Variants in GRM8 observed in about 807,000 individuals in gnomAD.
GRM8 encodes metabotropic glutamate receptor 8.
In GRM8, 47 loss-of-function variants were observed where a neutral mutation model predicts 87.2. That is an observed-to-expected ratio of 0.54 (90% CI 0.43 to 0.69). GRM8 has a LOEUF of 0.69. GRM8 is among the 30% of genes least tolerant of loss of function. The pLI, the probability that GRM8 is intolerant of heterozygous loss-of-function variation, is 0.00. For synonymous variants in GRM8, 396 were observed against 404.5 expected (o/e 0.98, Z 0.25); for missense variants, 1,019 against 1,139.2 (o/e 0.89, Z 1.52).
chr7:127,000,195 CAATT>C (rs138397988), intron 3 of GRM8, among the ~76,000 whole-genome samples: 14,085 of 151,530 alleles, frequency 0.093, 775 homozygotes, highest in East Asian at 0.21. Context: ...AAAATTAAAA[CAATT>C]GAACTCATGG....
At chr7:127,049,836 G>T (rs1819295548) in intron 3 of GRM8, among the ~76,000 whole-genome samples, 1 of 152,132 alleles carries the variant, frequency 6.6e-6, no homozygotes, top group African/African-American at 2.4e-5. Flanking sequence ...AAAGCAGTGA[G>T]GGAGGAAAGA....
At chr7:126,862,647 A>G (rs1475488816) in intron 6 of GRM8, among the ~76,000 whole-genome samples, 2 of 152,106 alleles carry the variant, frequency 1.3e-5, no homozygotes, top group Non-Finnish European at 2.9e-5. Flanking sequence ...GCTTTAAATT[A>G]TAATATTAGT....
intron 6 of GRM8, among the ~76,000 whole-genome samples, chr7:126,878,533 T>TG (rs1453915741): frequency 6.6e-6 from 1 of 150,868 alleles, no homozygotes. Flanking sequence ...TTTTTTTTTT[T>TG]TTTTGAGACA....
Position 126,955,040 on chromosome 7 carries a change from T to C in GRM8, c.728-50357A>G, listed in dbSNP as rs1249693118. On this transcript the variant is annotated intron_variant, in intron 3 of 10. Coordinates refer to ENST00000339582, the MANE Select transcript of GRM8 (RefSeq NM_000845.3). ...CTTGCAGAATTTTCTTGCAGTGTTT[T>C]ACACATTTCATTTTTCATTTCAATT... Among the ~76,000 whole-genome samples, 4 of 152,212 alleles carry C rather than the reference T, an allele frequency of 2.6e-5. No homozygotes were observed. The South Asian group carries it at 8.3e-4, about 31-fold the overall frequency.
At chr7:126,527,596 C>T (rs553216181) in intron 9 of GRM8, among the ~76,000 whole-genome samples, 9 of 152,126 alleles carry the variant, frequency 5.9e-5, no homozygotes, top group Non-Finnish European at 7.4e-5. Context: ...ACACTATTTC[C>T]GCAGGATTTT....
intron 6 of GRM8, among the ~76,000 whole-genome samples, chr7:126,803,892 T>G (rs1367797692): frequency 1.3e-5 from 2 of 152,226 alleles, no homozygotes; most frequent in Non-Finnish European, 2.9e-5. Flanking sequence ...AAGTGCTAAG[T>G]TTAAGGCAGT....
At chr7:126,705,159 C>T (rs1260102094) in intron 7 of GRM8, among the ~76,000 whole-genome samples, 2 of 152,074 alleles carry the variant, frequency 1.3e-5, no homozygotes, top group Non-Finnish European at 2.9e-5. Flanking sequence ...ACATGACTAT[C>T]GGGGGCAGGT....
At chr7:126,759,122 T>G (rs1183214541) in intron 7 of GRM8, among the ~76,000 whole-genome samples, 1 of 151,996 alleles carries the variant, frequency 6.6e-6, no homozygotes, top group Non-Finnish European at 1.5e-5. Context: ...GGTCTCAAAC[T>G]CCTGACTTCA....
chr7:126,587,681 A>C, intron 8 of GRM8, among the ~76,000 whole-genome samples: 1 of 120,478 alleles, frequency 8.3e-6, no homozygotes. Context: ...CTGTCATGGG[A>C]TGGGCGGGGG....
chr7:127,112,090 T>C (rs1012072128), intron 2 of GRM8: 4 of 152,066 alleles, frequency 2.6e-5, no homozygotes, highest in Non-Finnish European at 5.9e-5. Context: ...CATTTCCCCA[T>C]TGCCCTTAGA....
At chr7:126,446,455 T>A in intron 9 of GRM8, 83 bp from the exon 10 acceptor site, 3 of 914,676 alleles carry the variant, frequency 3.3e-6, no homozygotes, top group Non-Finnish European at 5.0e-6. Context: ...TTTCTAAAAT[T>A]GTTCCAGCTT....
intron 3 of GRM8, among the ~76,000 whole-genome samples, chr7:127,102,287 C>A (rs982908781): frequency 6.6e-6 from 1 of 152,154 alleles, no homozygotes; most frequent in Non-Finnish European, 1.5e-5. Context: ...AAAGAAAAAG[C>A]TTTTTCAGGA....
At chr7:126,575,382 G>A (rs1231612722) in intron 8 of GRM8, among the ~76,000 whole-genome samples, 2 of 151,670 alleles carry the variant, frequency 1.3e-5, no homozygotes, top group African/African-American at 2.4e-5. Flanking sequence ...ACATTATGGT[G>A]AGTTGTATAA....
chr7:126,807,085 C>T (rs1792848439), intron 6 of GRM8, among the ~76,000 whole-genome samples: 1 of 152,174 alleles, frequency 6.6e-6, no homozygotes, highest in Non-Finnish European at 1.5e-5. Flanking sequence ...GTCAGGTCTG[C>T]ATTTATAGGC....
intron 2 of GRM8, chr7:127,219,715 T>C (rs1796796261): frequency 6.6e-6 from 1 of 152,254 alleles, no homozygotes; most frequent in Admixed American, 6.5e-5. Context: ...AAGTTCCTAT[T>C]TATGACCACA....
chr7:126,516,419 C>T lies in GRM8; in HGVS notation c.2430+16533G>A, dbSNP rs143367121. ...TAAGACCTCTTATGGAGAACTGAGA[C>T]CCAAATACAACTGCAGTTGATGTTG... On this transcript the variant is annotated intron_variant, in intron 9 of 10. Transcript: ENST00000339582. Among the ~76,000 whole-genome samples, 191 of 152,070 alleles carry T rather than the reference C, an allele frequency of 1.3e-3. 1 individual carries two copies. Among genetic ancestry groups the T allele is most frequent in the African/African-American group, 4.4e-3 (184 of 41,512 alleles).
chr7:127,113,811 T>C (rs549599456), intron 2 of GRM8, among the ~76,000 whole-genome samples: 56 of 152,330 alleles, frequency 3.7e-4, no homozygotes, highest in African/African-American at 1.2e-3. Context: ...TCTTTTTATA[T>C]ACTTGACTGC....
At chr7:126,839,596 A>C in intron 6 of GRM8, among the ~76,000 whole-genome samples, 1 of 152,216 alleles carries the variant, frequency 6.6e-6, no homozygotes. Flanking sequence ...ATTTGAGACG[A>C]GAAAACGATG....
chr7:126,949,872 C>G (rs1036073586), intron 3 of GRM8, among the ~76,000 whole-genome samples: 11 of 152,162 alleles, frequency 7.2e-5, no homozygotes, highest in African/African-American at 1.4e-4. Context: ...GTGAAACTTA[C>G]AATTTCTAAA....
Sources: gnomAD v4.1 joint callset for allele counts (sites outside exome capture counted in the v4.1 genomes callset) on GRCh38, gnomAD v4.1.1 for gene constraint, MANE v1.5 for transcripts, NCBI Gene and HGNC (gene_info 2026-07-23, HGNC 2026-07-21) for gene names.